Variants in FHOD3 observed in about 807,000 individuals in gnomAD.
FHOD3 encodes FH1/FH2 domain-containing protein 3.
A neutral mutation model predicts 173.0 loss-of-function variants in FHOD3; 90 were observed. That is an observed-to-expected ratio of 0.52 (90% CI 0.44 to 0.62). The LOEUF (loss-of-function observed/expected upper bound fraction) is 0.62, where lower values mean the gene tolerates loss of function less well. Among genes scored for constraint, FHOD3 ranks in the 20% least tolerant of loss-of-function variants. The pLI, the probability that FHOD3 is intolerant of heterozygous loss-of-function variation, is 0.00. For missense variants in FHOD3, 1,945 were observed against 2,034.7 expected (o/e 0.96, Z 0.85); for synonymous variants, 828 against 823.0 (o/e 1.01, Z -0.10).
At chr18:36,665,298 T>C (rs983620424) in intron 14 of FHOD3, among the ~76,000 whole-genome samples, 4 of 152,234 alleles carry the variant, frequency 2.6e-5, no homozygotes, top group South Asian at 2.1e-4. Flanking sequence ...CAAGTACTTA[T>C]TGAGTGTATC....
chr18:36,429,118 G>C (rs1335210297), intron 3 of FHOD3, among the ~76,000 whole-genome samples: 5 of 152,118 alleles, frequency 3.3e-5, no homozygotes, highest in Admixed American at 2.6e-4. Context: ...GAGAAATTGA[G>C]GATTGTTTTC....
intron 27 of FHOD3, among the ~76,000 whole-genome samples, chr18:36,762,114 A>G (rs1335849360): frequency 6.6e-6 from 1 of 152,182 alleles, no homozygotes; most frequent in Non-Finnish European, 1.5e-5. Flanking sequence ...TTGCTCACTA[A>G]CTAGTGCTTT....
chr18:36,434,022 A>G (rs2050689199), intron 3 of FHOD3, among the ~76,000 whole-genome samples: 1 of 152,146 alleles, frequency 6.6e-6, no homozygotes, highest in Non-Finnish European at 1.5e-5. Flanking sequence ...CCCCACCTGT[A>G]GCTTCCAAGC....
intron 5 of FHOD3, among the ~76,000 whole-genome samples, chr18:36,567,865 G>T (rs1422373877): frequency 2.0e-5 from 3 of 152,018 alleles, no homozygotes; most frequent in African/African-American, 7.2e-5. Context: ...AGGGGCATAT[G>T]GGCACCTAAA....
At chr18:36,746,894 G>A in intron 23 of FHOD3, 51 bp from the exon 24 acceptor site, 1 of 1,443,978 alleles carries the variant, frequency 6.9e-7, no homozygotes, top group African/African-American at 1.4e-5. Flanking sequence ...CTCAGTTCAG[G>A]CTGGTGTCCG....
chr18:36,506,956 A>G (rs1295930548), intron 4 of FHOD3, among the ~76,000 whole-genome samples: 1 of 152,202 alleles, frequency 6.6e-6, no homozygotes, highest in African/African-American at 2.4e-5. Context: ...CCCCAAAATA[A>G]AATATAGTGT....
chr18:36,520,170 G>A (rs1489700611), intron 5 of FHOD3, among the ~76,000 whole-genome samples: 1 of 151,950 alleles, frequency 6.6e-6, no homozygotes, highest in Admixed American at 6.6e-5. Flanking sequence ...TGTTTCCCAG[G>A]CTGGTCTCAA....
chr18:36,542,447 G>A (rs1874381), intron 5 of FHOD3, among the ~76,000 whole-genome samples: 29,136 of 151,896 alleles, frequency 0.19, 3,216 homozygotes, highest in East Asian at 0.5. Context: ...TTTTCTACAA[G>A]TCAAAACAAA....
intron 3 of FHOD3, among the ~76,000 whole-genome samples, chr18:36,473,795 C>A (rs1298079634): frequency 6.6e-6 from 1 of 152,202 alleles, no homozygotes; most frequent in East Asian, 1.9e-4. Context: ...CCTTCAGGTC[C>A]CCTGTGCCAG....
chr18:36,403,897 C>A (rs1028154688), intron 3 of FHOD3, among the ~76,000 whole-genome samples: 1 of 152,228 alleles, frequency 6.6e-6, no homozygotes, highest in Non-Finnish European at 1.5e-5. Flanking sequence ...GTGACCAGGG[C>A]TGAGAACCAC....
chr18:36,395,782 A>G (rs910992601), intron 3 of FHOD3, among the ~76,000 whole-genome samples: 1 of 152,214 alleles, frequency 6.6e-6, no homozygotes, highest in Non-Finnish European at 1.5e-5. Flanking sequence ...TTTCTAAAAT[A>G]TGTTGTATGT....
intron 1 of FHOD3, among the ~76,000 whole-genome samples, chr18:36,316,434 C>A (rs565982082): frequency 1.3e-5 from 2 of 152,346 alleles, no homozygotes; most frequent in South Asian, 4.1e-4. Context: ...TGCCCAAATT[C>A]TACTGCATGA....
At chr18:36,441,970 G>A (rs76306060) in intron 3 of FHOD3, among the ~76,000 whole-genome samples, 154 of 152,308 alleles carry the variant, frequency 1.0e-3, no homozygotes, top group African/African-American at 3.3e-3. Flanking sequence ...ATGAAAGTCC[G>A]TGAATAAAGC....
At chr18:36,755,789 A>T (rs2042609734) in intron 25 of FHOD3, among the ~76,000 whole-genome samples, 2 of 152,198 alleles carry the variant, frequency 1.3e-5, no homozygotes, top group Non-Finnish European at 2.9e-5. Flanking sequence ...GCATCTGAAT[A>T]AACTGATGTG....
At chr18:36,480,602 T>G (rs1274247520) in intron 3 of FHOD3, among the ~76,000 whole-genome samples, 1 of 152,236 alleles carries the variant, frequency 6.6e-6, no homozygotes, top group Non-Finnish European at 1.5e-5. Context: ...GCAGTTTCTG[T>G]AAGGCTCTAG....
intron 7 of FHOD3, among the ~76,000 whole-genome samples, chr18:36,600,324 A>T (rs1238627151): frequency 6.6e-6 from 1 of 151,136 alleles, no homozygotes; most frequent in African/African-American, 2.4e-5. Flanking sequence ...GTGGGGAGTT[A>T]ACAAAGGCAA....
At chr18:36,575,419 C>G (rs1308086469) in intron 5 of FHOD3, among the ~76,000 whole-genome samples, 2 of 152,022 alleles carry the variant, frequency 1.3e-5, no homozygotes, top group Admixed American at 1.3e-4. Context: ...TTCCTACAAC[C>G]CACATATAAA....
intron 5 of FHOD3, among the ~76,000 whole-genome samples, chr18:36,552,170 C>A (rs1434422222): frequency 2.6e-5 from 4 of 152,276 alleles, no homozygotes; most frequent in African/African-American, 9.6e-5. Context: ...TCTTTTATTT[C>A]ATTGAGCAGT....
At chr18:36,580,167 C>A (rs1013055451) in intron 6 of FHOD3, among the ~76,000 whole-genome samples, 1 of 152,170 alleles carries the variant, frequency 6.6e-6, no homozygotes, top group East Asian at 1.9e-4. Context: ...GCTTTCCCAG[C>A]CTCCCCATCC....
Sources: gnomAD v4.1 joint callset for allele counts (sites outside exome capture counted in the v4.1 genomes callset) on GRCh38, gnomAD v4.1.1 for gene constraint, MANE v1.5 for transcripts, NCBI Gene and HGNC (gene_info 2026-07-23, HGNC 2026-07-21) for gene names.